Variants in SCOC observed in about 807,000 individuals in gnomAD.
SCOC encodes the protein short coiled coil protein.
In SCOC, 7 loss-of-function variants were observed where a neutral mutation model predicts 9.9. The ratio of observed to expected loss-of-function variants is 0.71; its 90% CI spans 0.40 to 1.33. The LOEUF is 1.33. Among genes scored for constraint, SCOC ranks in the 40% most tolerant of loss-of-function variants. The probability of loss-of-function intolerance (pLI) is 0.01; values close to 1 mark genes in which losing one functional copy is unlikely to be tolerated. For synonymous variants in SCOC, 19 were observed against 28.2 expected, an observed-to-expected ratio of 0.67 and a Z score of 1.03; for missense variants, 66 against 89.7, an observed-to-expected ratio of 0.74 and a Z score of 1.07.
At chr4:140,380,300 C>G (rs1006333497) in intron 3 of SCOC, among the ~76,000 whole-genome samples, 1 of 148,862 alleles carries the variant, frequency 6.7e-6, no homozygotes, top group Non-Finnish European at 1.5e-5. Flanking sequence ...CAGGTTCAAG[C>G]GATTCTCCTG....
chr4:140,330,059 C>T (rs1732766954), intron 1 of SCOC, among the ~76,000 whole-genome samples: 1 of 152,142 alleles, frequency 6.6e-6, no homozygotes, highest in African/African-American at 2.4e-5. Context: ...AGCCCAAATG[C>T]CCATCAGTCA....
chr4:140,328,361 G>A (rs760359099), intron 1 of SCOC, among the ~76,000 whole-genome samples: 1 of 152,140 alleles, frequency 6.6e-6, no homozygotes, highest in Non-Finnish European at 1.5e-5. Context: ...TCAAAAAAGA[G>A]CAAATTGATG....
chr4:140,305,610 A>G (rs1452374416), intron 1 of SCOC, among the ~76,000 whole-genome samples: 1 of 152,212 alleles, frequency 6.6e-6, no homozygotes, highest in Non-Finnish European at 1.5e-5. Flanking sequence ...TAACAATAAC[A>G]GTGCTCAGAT....
At chr4:140,274,265 A>G (rs920276225) in intron 1 of SCOC, among the ~76,000 whole-genome samples, 9 of 152,236 alleles carry the variant, frequency 5.9e-5, no homozygotes, top group Admixed American at 1.3e-4. Flanking sequence ...TGAGAAAGGA[A>G]TTTGAAAGTG....
intron 2 of SCOC, among the ~76,000 whole-genome samples, chr4:140,365,620 T>G (rs1727758610): frequency 6.6e-6 from 1 of 152,238 alleles, no homozygotes; most frequent in Admixed American, 6.5e-5. Context: ...CTCCTCCATC[T>G]CTTCTGCCTC....
Position 140,299,176 on chromosome 4 carries a change from C to T in SCOC, c.-19+41766C>T, listed in dbSNP as rs1043176351. Among the ~76,000 whole-genome samples the T allele has an allele frequency of 6.6e-5, 10 of 152,064 alleles. No homozygotes were observed. The South Asian group carries it at 1.2e-3, about 19-fold the overall frequency. On this transcript the variant is annotated intron_variant, in intron 1 of 4. Transcript: ENST00000394205. ...AGTAGGTGCGTATATTTATGGGTTA[C>T]GTGAGAAATTTTAATGTAGGCATGC...
At chr4:140,365,033 T>A (rs1475618252) in intron 2 of SCOC, among the ~76,000 whole-genome samples, 3 of 152,236 alleles carry the variant, frequency 2.0e-5, no homozygotes, top group Admixed American at 6.5e-5. Flanking sequence ...ATGTCATCGT[T>A]GTTATAAAAA....
chr4:140,288,220 C>A (rs935631372), intron 1 of SCOC, among the ~76,000 whole-genome samples: 4 of 151,886 alleles, frequency 2.6e-5, no homozygotes, highest in African/African-American at 9.7e-5. Flanking sequence ...ATGCACACCC[C>A]ATGTACATGC....
chr4:140,344,865 T>C (rs1372740162), intron 2 of SCOC, among the ~76,000 whole-genome samples: 2 of 152,162 alleles, frequency 1.3e-5, no homozygotes, highest in Non-Finnish European at 2.9e-5. Context: ...ATGCAGTTCG[T>C]AGAGAAAGCT....
intron 1 of SCOC, among the ~76,000 whole-genome samples, chr4:140,324,713 G>A (rs548245747): frequency 3.0e-4 from 46 of 152,188 alleles, no homozygotes; most frequent in African/African-American, 9.9e-4. Flanking sequence ...GATACACTGT[G>A]TTCATGATTT....
At chr4:140,349,349 AT>A (rs1322417362) in intron 2 of SCOC, among the ~76,000 whole-genome samples, 1 of 152,166 alleles carries the variant, frequency 6.6e-6, no homozygotes, top group African/African-American at 2.4e-5. Flanking sequence ...TTTTTGTACA[AT>A]TTCCTGGTTT....
intron 1 of SCOC, among the ~76,000 whole-genome samples, chr4:140,305,972 C>G (rs1229899747): frequency 6.6e-6 from 1 of 152,128 alleles, no homozygotes; most frequent in Non-Finnish European, 1.5e-5. Context: ...TTCCCTTCTA[C>G]TATAGGGTCT....
chr4:140,373,438 A>G (rs947032410), upstream of SCOC: 2 of 1,524,598 alleles, frequency 1.3e-6, no homozygotes, highest in African/African-American at 2.8e-5. Context: ...TCCCGCCCAC[A>G]GCGACCTCAA....
At chr4:140,294,718 G>GGACC (rs1164057837) in intron 1 of SCOC, among the ~76,000 whole-genome samples, 86 of 152,170 alleles carry the variant, frequency 5.7e-4, no homozygotes, top group Non-Finnish European at 2.1e-4. Flanking sequence ...AGGTTAGAAA[G>GGACC]GACCACATAA....
At chr4:140,285,873 C>A (rs1248745290) in intron 1 of SCOC, among the ~76,000 whole-genome samples, 2 of 152,110 alleles carry the variant, frequency 1.3e-5, no homozygotes, top group East Asian at 3.9e-4. Flanking sequence ...TCCTTATCTG[C>A]ACCACGGTGT....
chr4:140,360,384 C>T (rs1368062609), intron 2 of SCOC, among the ~76,000 whole-genome samples: 1 of 152,112 alleles, frequency 6.6e-6, no homozygotes, highest in African/African-American at 2.4e-5. Flanking sequence ...CTTGGAATAT[C>T]TCCTGACAGT....
intron 1 of SCOC, among the ~76,000 whole-genome samples, chr4:140,271,822 G>T (rs1168539611): frequency 6.6e-6 from 1 of 152,196 alleles, no homozygotes. Context: ...ATCAAACAGG[G>T]TCTCTGCCAC....
intron 1 of SCOC, 152 bp downstream of exon 1, chr4:140,373,869 G>GGGC: frequency 1.2e-6 from 1 of 839,830 alleles, no homozygotes; most frequent in Admixed American, 2.0e-5. Context: ...GGCATTTGGT[G>GGGC]GGCGGCGGAG....
At chr4:140,286,574 C>G (rs966099975) in intron 1 of SCOC, among the ~76,000 whole-genome samples, 9 of 152,226 alleles carry the variant, frequency 5.9e-5, no homozygotes, top group African/African-American at 1.9e-4. Flanking sequence ...AATGAGCCAG[C>G]CTGCTCATTT....
Sources: gnomAD v4.1 joint callset for allele counts (sites outside exome capture counted in the v4.1 genomes callset) on GRCh38, gnomAD v4.1.1 for gene constraint, MANE v1.5 for transcripts, NCBI Gene and HGNC (gene_info 2026-07-23, HGNC 2026-07-21) for gene names.